The following GPC6 variants were observed in gnomAD, a reference collection of about 807,000 sequenced individuals.
GPC6 encodes the protein glypican-6.
GPC6 carries 14 observed loss-of-function variants against 55.2 expected under a neutral mutation model. That is an observed-to-expected ratio of 0.25 (90% confidence interval 0.17 to 0.40). The LOEUF (loss-of-function observed/expected upper bound fraction) is 0.40, where lower values mean the gene tolerates loss of function less well. GPC6 is among the 10% of genes least tolerant of loss of function. GPC6 has a pLI of 1.00. For missense variants in GPC6, 641 were observed against 708.5 expected (o/e 0.90, Z 1.08); for synonymous variants, 278 against 259.6 (o/e 1.07, Z -0.68).
At chr13:93,404,123 C>G (rs1323972) in intron 1 of GPC6, among the ~76,000 whole-genome samples, 25,093 of 151,984 alleles carry the variant, frequency 0.17, 3,360 homozygotes, top group East Asian at 0.75. Flanking sequence ...TCTATTTAGG[C>G]TTTTACCTAA....
chr13:93,340,313 C>T (rs923053921), intron 1 of GPC6, among the ~76,000 whole-genome samples: 3 of 152,146 alleles, frequency 2.0e-5, no homozygotes, highest in Non-Finnish European at 4.4e-5. Context: ...GGATTATAGG[C>T]GTGAGCCACC....
chr13:93,799,579 G>T (rs1396710647), intron 2 of GPC6, among the ~76,000 whole-genome samples: 1 of 152,194 alleles, frequency 6.6e-6, no homozygotes, highest in African/African-American at 2.4e-5. Flanking sequence ...TTGTAGAGGG[G>T]TGGATTATCT....
At chr13:93,871,097 G>A (rs1045416429) in intron 3 of GPC6, among the ~76,000 whole-genome samples, 5 of 151,876 alleles carry the variant, frequency 3.3e-5, no homozygotes, top group Admixed American at 3.3e-4. Flanking sequence ...TCTAAAATGA[G>A]GAAGAGGCAG....
chr13:93,945,294 G>A (rs1037582346), intron 3 of GPC6, among the ~76,000 whole-genome samples: 4 of 152,088 alleles, frequency 2.6e-5, no homozygotes, highest in South Asian at 2.1e-4. Context: ...GAATGTATTC[G>A]TGGATGTAAA....
intron 1 of GPC6, among the ~76,000 whole-genome samples, chr13:93,424,466 C>G (rs1877045439): frequency 6.6e-6 from 1 of 152,150 alleles, no homozygotes; most frequent in Admixed American, 6.5e-5. Flanking sequence ...TCCATTCCTC[C>G]ATCCTGATGC....
chr13:94,105,286 G>A (rs1344136381), intron 4 of GPC6, among the ~76,000 whole-genome samples: 1 of 152,188 alleles, frequency 6.6e-6, no homozygotes, highest in East Asian at 1.9e-4. Context: ...CTGAGCCCAA[G>A]AGTTTGAGGC....
At chr13:94,259,056 C>G (rs955085389) in intron 4 of GPC6, among the ~76,000 whole-genome samples, 1 of 151,902 alleles carries the variant, frequency 6.6e-6, no homozygotes, top group Non-Finnish European at 1.5e-5. Flanking sequence ...AAGCCCCTAG[C>G]ACACTGGAAA....
intron 4 of GPC6, among the ~76,000 whole-genome samples, chr13:94,116,313 G>A (rs764260344): frequency 1.3e-5 from 2 of 151,978 alleles, no homozygotes; most frequent in Non-Finnish European, 2.9e-5. Flanking sequence ...TGGTGTTACG[G>A]TGGTGAACGA....
rs74111422 is a variant in GPC6, at chr13:94,048,546, A to G, written c.877+20652A>G. 8.5e-3 allele frequency among the ~76,000 whole-genome samples: 1,295 copies of G among 152,054 alleles called. 19 individuals carry two copies. Among genetic ancestry groups the G allele is most frequent in the African/African-American group, 0.029 (1,216 of 41,500 alleles). ...CATCAGCTTCAACGATAATTCATTA[A>G]TTTATTGAAGCTTCATTAGCCATTT... is the stretch of plus-strand genomic sequence containing the variant. On this transcript the variant is annotated intron_variant, in intron 4 of 8. Transcript: ENST00000377047.
Position 93,342,713 on chromosome 13 carries a change from G to A in GPC6, c.160+115097G>A, listed in dbSNP as rs556785123. ...AGAAATGAGTGGATTTGAGATACGTGTTGGCATTAGCATTGGCAGGTCTTA... is the reference window on the plus strand; with the variant it reads ...AGAAATGAGTGGATTTGAGATACGTATTGGCATTAGCATTGGCAGGTCTTA... On this transcript the variant is annotated intron_variant, in intron 1 of 8. Coordinates refer to ENST00000377047, the MANE Select transcript of GPC6 (RefSeq NM_005708.5). Among the ~76,000 whole-genome samples, 14 of 152,262 alleles carry A rather than the reference G, an allele frequency of 9.2e-5. No individual in the cohort carries two copies. The East Asian group carries it at 2.7e-3, about 29-fold the overall frequency.
chr13:94,257,684 C>T (rs1891545319), intron 4 of GPC6, among the ~76,000 whole-genome samples: 1 of 152,142 alleles, frequency 6.6e-6, no homozygotes. Context: ...GTGCAGGGTC[C>T]CCTGTGAGGC....
chr13:93,233,126 T>A (rs1448417141), intron 1 of GPC6, among the ~76,000 whole-genome samples: 1 of 152,184 alleles, frequency 6.6e-6, no homozygotes, highest in Non-Finnish European at 1.5e-5. Flanking sequence ...AATATTTTCA[T>A]AGATTTCTCC....
intron 4 of GPC6, among the ~76,000 whole-genome samples, chr13:94,110,432 G>A (rs1313024227): frequency 6.6e-6 from 1 of 152,032 alleles, no homozygotes; most frequent in African/African-American, 2.4e-5. Flanking sequence ...GTAGAGGGTG[G>A]AGGACTGTGT....
At chr13:94,155,274 C>A (rs1337027637) in intron 4 of GPC6, among the ~76,000 whole-genome samples, 2 of 152,090 alleles carry the variant, frequency 1.3e-5, no homozygotes, top group Non-Finnish European at 1.5e-5. Context: ...TTAATGGCCT[C>A]ATCATTCTCC....
At chr13:94,225,438 T>C (rs1890519830) in intron 4 of GPC6, among the ~76,000 whole-genome samples, 2 of 152,138 alleles carry the variant, frequency 1.3e-5, no homozygotes, top group South Asian at 2.1e-4. Context: ...CGGACTTTTT[T>C]CAAACTGATG....
rs532968965 is a variant in GPC6, at chr13:93,236,773, G to T, written c.160+9157G>T. On this transcript the variant is annotated intron_variant, in intron 1 of 8. Transcript: ENST00000377047. ...ACTGCTGCATTATACCACTCTATGT[G>T]CCCCTGTGTATGCATACTTATCTCC... Among the ~76,000 whole-genome samples the T allele has an allele frequency of 2.6e-5, 4 of 152,154 alleles. No homozygotes were observed. The East Asian group carries it at 7.7e-4, about 29-fold the overall frequency.
At chr13:93,919,054 G>A (rs542656281) in intron 3 of GPC6, among the ~76,000 whole-genome samples, 2 of 152,238 alleles carry the variant, frequency 1.3e-5, no homozygotes, top group East Asian at 3.9e-4. Context: ...CCTTGGTGAC[G>A]AGTGAGTTCT....
chr13:93,972,916 T>C (rs190483459), intron 3 of GPC6, among the ~76,000 whole-genome samples: 1 of 151,984 alleles, frequency 6.6e-6, no homozygotes, highest in African/African-American at 2.4e-5. Flanking sequence ...TCTCTCTCTC[T>C]CTGTCTCTCT....
chr13:93,831,003 T>A (rs1887471389), intron 3 of GPC6: 1 of 159,892 alleles, frequency 6.3e-6, no homozygotes, highest in Non-Finnish European at 1.4e-5. Flanking sequence ...ACCTGGCATT[T>A]CTTCTTTTTC....
Sources: gnomAD v4.1 joint callset for allele counts (sites outside exome capture counted in the v4.1 genomes callset) on GRCh38, gnomAD v4.1.1 for gene constraint, MANE v1.5 for transcripts, NCBI Gene and HGNC (gene_info 2026-07-23, HGNC 2026-07-21) for gene names.